PTK2: variants seen among roughly 807,000 people sequenced by gnomAD.
PTK2 encodes the protein protein tyrosine kinase 2.
In PTK2, 45 loss-of-function variants were observed where a neutral mutation model predicts 150.1. That is an observed-to-expected ratio of 0.30 (90% CI 0.24 to 0.38). The LOEUF is 0.38. PTK2 is among the 10% of genes least tolerant of loss of function. PTK2 has a pLI of 1.00. For missense variants in PTK2, 919 were observed against 1,307.3 expected, an observed-to-expected ratio of 0.70 and a Z score of 4.58; for synonymous variants, 432 against 449.2, an observed-to-expected ratio of 0.96 and a Z score of 0.48.
At chr8:140,666,735 A>T (rs1284972570) in intron 30 of PTK2, among the ~76,000 whole-genome samples, 3 of 152,218 alleles carry the variant, frequency 2.0e-5, no homozygotes, top group African/African-American at 7.2e-5. Context: ...AAAAATTAAA[A>T]ATAGAATTAT....
At chr8:140,760,571 G>GGGAAGGGT (rs1354850275) in intron 16 of PTK2, among the ~76,000 whole-genome samples, 1 of 152,158 alleles carries the variant, frequency 6.6e-6, no homozygotes, top group African/African-American at 2.4e-5. Context: ...CCAAAGGCTG[G>GGGAAGGGT]GGAAGGGTGG....
At chr8:140,908,686 TG>T (rs201644088) in intron 2 of PTK2, among the ~76,000 whole-genome samples, 28 of 151,692 alleles carry the variant, frequency 1.8e-4, no homozygotes, top group South Asian at 1.3e-3. Flanking sequence ...AGATAAGATT[TG>T]GGGGGGGACA....
intron 2 of PTK2, among the ~76,000 whole-genome samples, chr8:140,916,705 G>A (rs2100165402): frequency 6.6e-6 from 1 of 152,092 alleles, no homozygotes; most frequent in Non-Finnish European, 1.5e-5. Context: ...ATATCAAAAT[G>A]CAAAAATTAC....
intron 23 of PTK2, among the ~76,000 whole-genome samples, chr8:140,711,593 C>T (rs2100036916): frequency 6.6e-6 from 1 of 152,136 alleles, no homozygotes; most frequent in Non-Finnish European, 1.5e-5. Context: ...TACTGATGGG[C>T]AATTTTATTT....
rs1046850269 is a variant in PTK2, at chr8:140,808,461, G to A, written c.868-4811C>T. 8.5e-5 allele frequency among the ~76,000 whole-genome samples: 13 copies of A among 152,130 alleles called. No individual in the cohort carries two copies. The East Asian group carries it at 1.2e-3, about 14-fold the overall frequency. On this transcript the variant is annotated intron_variant, in intron 10 of 31. Coordinates refer to ENST00000522684, the Ensembl canonical transcript of PTK2. ...ATACCTCTTATTTCATAGGCACAGA[G>A]GTCCTTATAAACTCAAAAGGAAAAC...
Position 140,917,851 on chromosome 8 carries a change from G to A in PTK2, c.-33+7810C>T, listed in dbSNP as rs564586331. Among the ~76,000 whole-genome samples the A allele has an allele frequency of 5.3e-5, 8 of 152,300 alleles. No individual in the cohort carries two copies. The South Asian group carries it at 1.7e-3, about 32-fold the overall frequency. On this transcript the variant is annotated intron_variant, in intron 2 of 31. Coordinates refer to ENST00000522684, the Ensembl canonical transcript of PTK2. Reference sequence around the variant, plus strand: ...GTGCTATACAAGACCAGAAGAAAAGGATATAGGAGGGGACACTAGAGAAAA... The same window carrying A: ...GTGCTATACAAGACCAGAAGAAAAGAATATAGGAGGGGACACTAGAGAAAA...
intron 26 of PTK2, among the ~76,000 whole-genome samples, chr8:140,699,300 A>AG (rs1236853678): frequency 1.3e-5 from 2 of 152,218 alleles, no homozygotes; most frequent in African/African-American, 4.8e-5. Context: ...AGGCAACTAC[A>AG]GGAAGATTGA....
At chr8:140,706,522 T>C (rs1329592842) in intron 23 of PTK2, among the ~76,000 whole-genome samples, 1 of 152,142 alleles carries the variant, frequency 6.6e-6, no homozygotes, top group African/African-American at 2.4e-5. Flanking sequence ...GAGTATATCT[T>C]GGGCAGGGCA....
intron 16 of PTK2, among the ~76,000 whole-genome samples, chr8:140,752,860 A>G (rs2100063580): frequency 6.6e-6 from 1 of 152,230 alleles, no homozygotes; most frequent in African/African-American, 2.4e-5. Flanking sequence ...AGCAGGGAAC[A>G]GTGTATAGCG....
chr8:140,952,019 G>A (rs2100179709), intron 1 of PTK2, among the ~76,000 whole-genome samples: 1 of 151,886 alleles, frequency 6.6e-6, no homozygotes, highest in South Asian at 2.1e-4. Context: ...ATTACACTAA[G>A]AATGTAAGTT....
intron 7 of PTK2, among the ~76,000 whole-genome samples, chr8:140,838,065 A>G (rs1478657485): frequency 1.3e-5 from 2 of 152,274 alleles, no homozygotes; most frequent in East Asian, 1.9e-4. Flanking sequence ...CCATCTCAAA[A>G]AAAAAAGTAC....
Position 140,833,321 on chromosome 8 carries a change from G to GTACATTGT in PTK2, c.594-2796_594-2795insACAATGTA, listed in dbSNP as rs879675747. Among the ~76,000 whole-genome samples, 522 of 152,246 alleles carry GTACATTGT rather than the reference G, an allele frequency of 3.4e-3. 5 individuals are homozygous for GTACATTGT. Among genetic ancestry groups the GTACATTGT allele is most frequent in the African/African-American group, 0.012 (502 of 41,532 alleles). ...CTGGCAGTTGAGAAAATAAAAATGAGGCTCAAGTACACAAGGTCATGGTAA... is the reference window on the plus strand; with the variant it reads ...CTGGCAGTTGAGAAAATAAAAATGAGTACATTGTGCTCAAGTACACAAGGTCATGGTAA... On this transcript the variant is annotated intron_variant, in intron 7 of 31. Coordinates refer to ENST00000522684, the Ensembl canonical transcript of PTK2.
At chr8:140,904,193 G>C (rs10110532) in intron 2 of PTK2, among the ~76,000 whole-genome samples, 3,671 of 152,200 alleles carry the variant, frequency 0.024, 158 homozygotes, top group African/African-American at 0.085. Flanking sequence ...GTACTTTATT[G>C]AGAGTTTTTA....
chr8:140,741,559 A>G (rs989351305), intron 20 of PTK2, among the ~76,000 whole-genome samples: 2 of 152,124 alleles, frequency 1.3e-5, no homozygotes, highest in African/African-American at 4.8e-5. Context: ...AATAGTTATA[A>G]GATTAAAATA....
At chr8:140,996,528 T>C (rs2100197842) in intron 1 of PTK2, among the ~76,000 whole-genome samples, 1 of 152,248 alleles carries the variant, frequency 6.6e-6, no homozygotes, top group South Asian at 2.1e-4. Flanking sequence ...AAGGATGGGC[T>C]GACTCTCGTT....
Position 140,701,061 on chromosome 8 carries a change from A to T in PTK2, c.2368-39T>A. ...TGAAAACAGCATATTCAGTCTCATA[A>T]GTCTATTCCTATGCTCTTACCTTGT... On this transcript the variant is annotated intron_variant, in intron 25 of 31. Coordinates refer to ENST00000522684, the Ensembl canonical transcript of PTK2. 1.9e-6 allele frequency: 3 copies of T among 1,594,598 alleles called. 1 individual carries two copies.
chr8:140,882,809 C>T (rs961497370), intron 3 of PTK2, among the ~76,000 whole-genome samples: 1 of 152,134 alleles, frequency 6.6e-6, no homozygotes, highest in African/African-American at 2.4e-5. Flanking sequence ...TAGAAACAGA[C>T]AAAATTTCCT....
At chr8:140,714,412 G>A (rs1197179838) in intron 23 of PTK2, among the ~76,000 whole-genome samples, 1 of 151,018 alleles carries the variant, frequency 6.6e-6, no homozygotes, top group Non-Finnish European at 1.5e-5. Flanking sequence ...AAGCCCAGCA[G>A]CTCAAGAGAG....
At chr8:140,887,581 T>A (rs2154607285) in intron 3 of PTK2, among the ~76,000 whole-genome samples, 1 of 152,344 alleles carries the variant, frequency 6.6e-6, no homozygotes, top group Admixed American at 6.5e-5. Flanking sequence ...CAAAAAGTTT[T>A]GTTTTTTCTG....
Sources: gnomAD v4.1 joint callset for allele counts (sites outside exome capture counted in the v4.1 genomes callset) on GRCh38, gnomAD v4.1.1 for gene constraint, MANE v1.5 for transcripts, NCBI Gene and HGNC (gene_info 2026-07-23, HGNC 2026-07-21) for gene names.